Variants in EEFSEC observed in about 807,000 individuals in gnomAD.
EEFSEC encodes the protein eukaryotic elongation factor, selenocysteine-tRNA specific.
In EEFSEC, 43 loss-of-function variants were observed where a neutral mutation model predicts 42.1. The ratio of observed to expected loss-of-function variants is 1.02; its 90% CI spans 0.80 to 1.32. The LOEUF (loss-of-function observed/expected upper bound fraction) is 1.32. EEFSEC is among the 40% of genes most tolerant of loss of function. The pLI is 0.00. For missense variants in EEFSEC, 745 were observed against 803.6 expected (o/e 0.93, Z 0.88); for synonymous variants, 354 against 339.1 (o/e 1.04, Z -0.48).
rs377578240 is a variant in EEFSEC, at chr3:128,186,929, C to T, written c.316+33106C>T. Among the ~76,000 whole-genome samples, 4 of 152,304 alleles carry T rather than the reference C, an allele frequency of 2.6e-5. No homozygotes were observed. In the South Asian group the frequency reaches 6.2e-4, roughly 24 times the overall value. On this transcript the variant is annotated intron_variant, in intron 1 of 6. Coordinates refer to ENST00000254730, the MANE Select transcript of EEFSEC (RefSeq NM_021937.5). ...CTCAGATATCCCTGTGCTTACCTTC[C>T]CAGCCTGTCTTCCTGTGTGAGCTCC...
intron 1 of EEFSEC, among the ~76,000 whole-genome samples, chr3:128,175,190 C>A (rs1213369663): frequency 1.3e-5 from 2 of 151,874 alleles, no homozygotes; most frequent in Non-Finnish European, 2.9e-5. Flanking sequence ...TGCAAACCCC[C>A]CCTTTTCTCC....
At chr3:128,246,765 G>T in intron 1 of EEFSEC, 71 bp from the exon 2 acceptor site, 2 of 1,523,706 alleles carry the variant, frequency 1.3e-6, no homozygotes, top group South Asian at 2.3e-5. Context: ...CTTTGACCTG[G>T]GGCATTGGGC....
intron 4 of EEFSEC, among the ~76,000 whole-genome samples, chr3:128,324,390 A>G (rs2067041403): frequency 6.6e-6 from 1 of 152,216 alleles, no homozygotes; most frequent in Non-Finnish European, 1.5e-5. Flanking sequence ...TCTGTGGGAA[A>G]GAGAAACACA....
chr3:128,183,157 G>C (rs1360424532), intron 1 of EEFSEC, among the ~76,000 whole-genome samples: 1 of 152,176 alleles, frequency 6.6e-6, no homozygotes, highest in Non-Finnish European at 1.5e-5. Context: ...CTACCTGTTA[G>C]AGTTGCTTCG....
At chr3:128,365,693 C>G (rs2067582238) in intron 6 of EEFSEC, among the ~76,000 whole-genome samples, 1 of 152,138 alleles carries the variant, frequency 6.6e-6, no homozygotes, top group South Asian at 2.1e-4. Flanking sequence ...GAAACGATGC[C>G]TGTAGGAGCC....
At chr3:128,179,591 G>C (rs1052207760) in intron 1 of EEFSEC, among the ~76,000 whole-genome samples, 1 of 152,218 alleles carries the variant, frequency 6.6e-6, no homozygotes, top group African/African-American at 2.4e-5. Context: ...TGTTTACCTC[G>C]TTGTCCGAAG....
At chr3:128,266,708 G>A (rs2066358056) in intron 4 of EEFSEC, among the ~76,000 whole-genome samples, 1 of 151,374 alleles carries the variant, frequency 6.6e-6, no homozygotes, top group African/African-American at 2.4e-5. Context: ...CAGACACTGT[G>A]AGTCACAGTC....
At chr3:128,302,215 A>G (rs1173841685) in intron 4 of EEFSEC, among the ~76,000 whole-genome samples, 1 of 152,174 alleles carries the variant, frequency 6.6e-6, no homozygotes, top group Non-Finnish European at 1.5e-5. Flanking sequence ...ATAGAGTGAT[A>G]CGCCTGTTCC....
At chr3:128,162,877 A>G (rs1241521749) in intron 1 of EEFSEC, among the ~76,000 whole-genome samples, 4 of 152,194 alleles carry the variant, frequency 2.6e-5, no homozygotes, top group Non-Finnish European at 5.9e-5. Flanking sequence ...GCTTTCGGTA[A>G]AGCTGTAATC....
chr3:128,409,094 C>A (rs1174788288), downstream of EEFSEC, among the ~76,000 whole-genome samples: 3 of 152,174 alleles, frequency 2.0e-5, no homozygotes, highest in Non-Finnish European at 4.4e-5. Flanking sequence ...CACCCACAGA[C>A]CACCCTGCCT....
At chr3:128,399,925 C>G (rs1362101119) in intron 6 of EEFSEC, among the ~76,000 whole-genome samples, 1 of 152,214 alleles carries the variant, frequency 6.6e-6, no homozygotes, top group Non-Finnish European at 1.5e-5. Flanking sequence ...AGCTGCACCA[C>G]AACTGCCAGG....
the EEFSEC span, among the ~76,000 whole-genome samples, chr3:128,417,135 T>C: frequency 6.6e-6 from 1 of 151,948 alleles, no homozygotes; most frequent in Non-Finnish European, 1.5e-5. The surrounding 1 kb of genome is among the most constrained non-coding windows in gnomAD (Gnocchi z 4.3). Context: ...ACCATCACAA[T>C]TGCCTCACCC....
At chr3:128,190,752 A>G (rs146037800) in intron 1 of EEFSEC, among the ~76,000 whole-genome samples, 14 of 152,312 alleles carry the variant, frequency 9.2e-5, no homozygotes, top group South Asian at 2.1e-4. Flanking sequence ...TGTAAGCTCC[A>G]TTTATGCTAA....
chr3:128,270,445 T>A (rs1433142385), intron 4 of EEFSEC, among the ~76,000 whole-genome samples: 5 of 152,210 alleles, frequency 3.3e-5, no homozygotes, highest in African/African-American at 1.2e-4. Context: ...ACCTATTTAG[T>A]TGATAAAGCT....
chr3:128,174,981 T>C (rs1175330276), intron 1 of EEFSEC, among the ~76,000 whole-genome samples: 2 of 152,060 alleles, frequency 1.3e-5, no homozygotes, highest in Non-Finnish European at 2.9e-5. Context: ...GAGGGAAAAA[T>C]AGATTTATTG....
chr3:128,194,754 G>A (rs1323309080), intron 1 of EEFSEC, among the ~76,000 whole-genome samples: 2 of 151,960 alleles, frequency 1.3e-5, no homozygotes, highest in African/African-American at 2.4e-5. Context: ...AAAAAAGCAG[G>A]GCAAGGAATT....
intron 6 of EEFSEC, among the ~76,000 whole-genome samples, chr3:128,382,715 G>A (rs538849700): frequency 3.3e-5 from 5 of 152,102 alleles, no homozygotes; most frequent in Non-Finnish European, 7.4e-5. Context: ...GCCAAAGGCA[G>A]CCTGAACTCT....
chr3:128,421,804 C>T, the EEFSEC span, among the ~76,000 whole-genome samples: 3 of 152,178 alleles, frequency 2.0e-5, no homozygotes, highest in African/African-American at 7.2e-5. Flanking sequence ...CACCAGGAAG[C>T]CCAGGACCAG....
chr3:128,236,298 G>C (rs1324264434), intron 1 of EEFSEC, among the ~76,000 whole-genome samples: 1 of 152,208 alleles, frequency 6.6e-6, no homozygotes, highest in Non-Finnish European at 1.5e-5. Flanking sequence ...AATGTTTGAG[G>C]TGACTCGGCC....
Sources: allele counts gnomAD v4.1 joint callset (sites outside exome capture counted in the v4.1 genomes callset), GRCh38; gene constraint gnomAD v4.1.1; non-coding constraint Gnocchi (gnomAD v3.1); transcripts MANE v1.5; gene names NCBI Gene and HGNC (gene_info 2026-07-23, HGNC 2026-07-21).